Variants in SOX5 observed in about 807,000 individuals in gnomAD.
The protein encoded by SOX5 is SRY-box transcription factor 5.
A neutral mutation model predicts 92.0 loss-of-function variants in SOX5; 9 were observed. The ratio of observed to expected loss-of-function variants is 0.10; its 90% CI spans 0.06 to 0.17. The LOEUF (loss-of-function observed/expected upper bound fraction) is 0.17. Ranked by LOEUF, SOX5 falls within the 10% of genes least tolerant of loss-of-function variation. SOX5 has a pLI of 1.00. For missense variants in SOX5, 642 were observed against 944.5 expected, an observed-to-expected ratio of 0.68 and a Z score of 4.20; for synonymous variants, 344 against 336.3, an observed-to-expected ratio of 1.02 and a Z score of -0.25.
chr12:24,492,099 C>T (rs917261163), intron 1 of SOX5, among the ~76,000 whole-genome samples: 1 of 152,174 alleles, frequency 6.6e-6, no homozygotes, highest in East Asian at 1.9e-4. Flanking sequence ...TAACCTTACT[C>T]AAACTAATCA....
At chr12:23,599,075 C>A (rs921337139) in intron 9 of SOX5, among the ~76,000 whole-genome samples, 2 of 152,178 alleles carry the variant, frequency 1.3e-5, no homozygotes, top group African/African-American at 4.8e-5. Flanking sequence ...TAGCGTGAAA[C>A]TATGTGATTG....
chr12:24,454,184 G>A (rs146601259), intron 1 of SOX5, among the ~76,000 whole-genome samples: 15 of 152,244 alleles, frequency 9.9e-5, no homozygotes, highest in African/African-American at 2.9e-4. Context: ...TTGAAAAAGC[G>A]TGCTCTGTCT....
intron 6 of SOX5, among the ~76,000 whole-genome samples, chr12:23,686,838 G>A (rs1236537847): frequency 6.6e-6 from 1 of 151,974 alleles, no homozygotes; most frequent in Non-Finnish European, 1.5e-5. Context: ...AAAACTGGAG[G>A]AGACAACAAC....
chr12:24,357,222 G>A (rs1954948123), intron 2 of SOX5: 1 of 152,202 alleles, frequency 6.6e-6, no homozygotes, highest in South Asian at 2.1e-4. Context: ...CCATTAACAT[G>A]AAGGAGGAGA....
At chr12:23,760,359 A>G (rs1010846135) in intron 3 of SOX5, among the ~76,000 whole-genome samples, 2 of 152,090 alleles carry the variant, frequency 1.3e-5, no homozygotes, top group African/African-American at 4.8e-5. Flanking sequence ...CTTTAGGGGA[A>G]AGGTAAATGC....
intron 9 of SOX5, among the ~76,000 whole-genome samples, chr12:23,596,964 C>T (rs1243136477): frequency 6.6e-6 from 1 of 152,152 alleles, no homozygotes; most frequent in Non-Finnish European, 1.5e-5. Flanking sequence ...GTTTTAACTA[C>T]CTGCTGTTTT....
intron 3 of SOX5, among the ~76,000 whole-genome samples, chr12:24,267,193 T>C (rs532828382): frequency 1.6e-3 from 244 of 152,232 alleles, no homozygotes; most frequent in South Asian, 0.013. Flanking sequence ...ATCACTGCAC[T>C]CCAGCCTGGG....
chr12:24,196,580 C>T (rs1042503825), intron 4 of SOX5, among the ~76,000 whole-genome samples: 2 of 152,126 alleles, frequency 1.3e-5, no homozygotes, highest in Non-Finnish European at 2.9e-5. Flanking sequence ...CAATCCATCT[C>T]ACTGCTTAAA....
intron 2 of SOX5, among the ~76,000 whole-genome samples, chr12:24,287,625 C>G (rs535280390): frequency 7.7e-6 from 1 of 129,112 alleles, no homozygotes; most frequent in African/African-American, 3.0e-5. Flanking sequence ...TTTGCAGTGC[C>G]CCAGGGTTCT....
intron 2 of SOX5, among the ~76,000 whole-genome samples, chr12:24,298,000 T>G (rs1414929983): frequency 6.6e-6 from 1 of 152,136 alleles, no homozygotes; most frequent in Non-Finnish European, 1.5e-5. Flanking sequence ...GAATACGCAT[T>G]ACTCCTTTTT....
intron 3 of SOX5, among the ~76,000 whole-genome samples, chr12:23,834,130 T>C (rs535150103): frequency 2.6e-5 from 4 of 152,072 alleles, no homozygotes; most frequent in Non-Finnish European, 4.4e-5. Flanking sequence ...TTGAGGATCA[T>C]TGAGTCTTAA....
At chr12:24,266,034 ATGTGTGTGTGTGTGTGTG>A (rs59696898) in intron 3 of SOX5, among the ~76,000 whole-genome samples, 1,850 of 127,710 alleles carry the variant, frequency 0.014, 23 homozygotes, top group South Asian at 0.04. Context: ...ATGCCAGCTA[ATGTGTGTGTGTGTGTGTG>A]TGTGTGTGTG....
At chr12:24,075,531 G>A (rs1459788216) in intron 4 of SOX5, among the ~76,000 whole-genome samples, 1 of 152,072 alleles carries the variant, frequency 6.6e-6, no homozygotes, top group East Asian at 1.9e-4. Context: ...ACTGCAGACA[G>A]ATATATAAGG....
At chr12:24,198,687 TG>T (rs1254091576) in intron 4 of SOX5, among the ~76,000 whole-genome samples, 1 of 152,174 alleles carries the variant, frequency 6.6e-6, no homozygotes, top group Non-Finnish European at 1.5e-5. Flanking sequence ...CTTTTACATA[TG>T]AGAAATTACT....
At chr12:23,661,056 T>C (rs1430319092) in intron 7 of SOX5, among the ~76,000 whole-genome samples, 1 of 152,206 alleles carries the variant, frequency 6.6e-6, no homozygotes, top group African/African-American at 2.4e-5. Flanking sequence ...CTATATTTCA[T>C]ATTCAGTTTG....
At chr12:24,401,958 C>G (rs1596317280) in intron 1 of SOX5, among the ~76,000 whole-genome samples, 2 of 152,158 alleles carry the variant, frequency 1.3e-5, no homozygotes, top group African/African-American at 4.8e-5. Context: ...TAACTACTCA[C>G]ATAAAGGATT....
intron 13 of SOX5, among the ~76,000 whole-genome samples, chr12:23,542,793 C>G (rs994429108): frequency 1.3e-5 from 2 of 152,146 alleles, no homozygotes; most frequent in Non-Finnish European, 2.9e-5. Flanking sequence ...AATAAAACTC[C>G]TTATCCTTCT....
At chr12:24,173,209 ACT>A (rs1384979263) in intron 4 of SOX5, among the ~76,000 whole-genome samples, 2 of 152,074 alleles carry the variant, frequency 1.3e-5, no homozygotes, top group Non-Finnish European at 2.9e-5. Context: ...AATCTTGCAA[ACT>A]CTGTCAACTG....
intron 6 of SOX5, among the ~76,000 whole-genome samples, chr12:23,721,085 A>G (rs1402989033): frequency 6.6e-6 from 1 of 151,634 alleles, no homozygotes; most frequent in Non-Finnish European, 1.5e-5. Flanking sequence ...TTATTTATTT[A>G]TTTATTTATT....
Sources: allele counts gnomAD v4.1 joint callset (sites outside exome capture counted in the v4.1 genomes callset), GRCh38; gene constraint gnomAD v4.1.1; transcripts MANE v1.5; gene names NCBI Gene and HGNC (gene_info 2026-07-23, HGNC 2026-07-21).